CAV3: variants seen among roughly 807,000 people sequenced by gnomAD.
CAV3 encodes caveolin-3.
A neutral mutation model predicts 13.4 loss-of-function variants in CAV3; 10 were observed. The ratio of observed to expected loss-of-function variants is 0.75; its 90% CI spans 0.46 to 1.27. CAV3 has a LOEUF of 1.27. CAV3 is among the 50% of genes most tolerant of loss of function. The pLI, the probability that CAV3 is intolerant of heterozygous loss-of-function variation, is 0.00. For synonymous variants in CAV3, 90 were observed against 79.0 expected (o/e 1.14, Z -0.74); for missense variants, 162 against 194.0 (o/e 0.83, Z 0.98).
chr3:8,734,082 G>A, intron 1 of CAV3, 92 bp downstream of exon 1: 1 of 747,198 alleles, frequency 1.3e-6, no homozygotes, highest in Admixed American at 2.0e-5. Context: ...TGCAGACACA[G>A]TTTCCCTGAA....
At chr3:8,744,571 T>C (rs1024084945) in intron 1 of CAV3, among the ~76,000 whole-genome samples, 8 of 149,994 alleles carry the variant, frequency 5.3e-5, no homozygotes, top group African/African-American at 2.0e-4. Flanking sequence ...ATTGACTCCA[T>C]CTTACAGACA....
At chr3:8,740,041 A>T (rs1707904032) in intron 1 of CAV3, among the ~76,000 whole-genome samples, 1 of 152,086 alleles carries the variant, frequency 6.6e-6, no homozygotes, top group Non-Finnish European at 1.5e-5. Context: ...CTCTATCTCC[A>T]TGTAGTTTCA....
intron 1 of CAV3, among the ~76,000 whole-genome samples, chr3:8,743,426 CAAG>C (rs1708043437): frequency 2.0e-5 from 3 of 152,232 alleles, no homozygotes; most frequent in Admixed American, 6.5e-5. Flanking sequence ...GGAAGCCCTC[CAAG>C]AAGAAGTAAC....
chr3:8,737,768 C>G (rs1707809390), intron 1 of CAV3, among the ~76,000 whole-genome samples: 1 of 152,182 alleles, frequency 6.6e-6, no homozygotes, highest in East Asian at 1.9e-4. Flanking sequence ...CATGCAAACC[C>G]TCCAGGCTGC....
At chr3:8,734,599 C>A (rs1707686613) in intron 1 of CAV3, among the ~76,000 whole-genome samples, 1 of 152,216 alleles carries the variant, frequency 6.6e-6, no homozygotes, top group Admixed American at 6.5e-5. Context: ...GGTTGTCTAG[C>A]CCTCAGGGAG....
intron 1 of CAV3, among the ~76,000 whole-genome samples, chr3:8,741,111 C>T (rs1163884393): frequency 1.3e-5 from 2 of 151,610 alleles, no homozygotes; most frequent in Non-Finnish European, 2.9e-5. Context: ...ACAGTTTTTG[C>T]AGCTATCACC....
chr3:8,740,280 A>C (rs1289926862), intron 1 of CAV3, among the ~76,000 whole-genome samples: 1 of 152,162 alleles, frequency 6.6e-6, no homozygotes, highest in Non-Finnish European at 1.5e-5. Flanking sequence ...GGGCAAGCCC[A>C]GACTCAAGAT....
chr3:8,736,743 G>A (rs1411463959), intron 1 of CAV3, among the ~76,000 whole-genome samples: 2 of 152,220 alleles, frequency 1.3e-5, no homozygotes, highest in Non-Finnish European at 2.9e-5. Context: ...GAGGCCCTGA[G>A]CCCTAGCAAA....
intron 1 of CAV3, among the ~76,000 whole-genome samples, chr3:8,739,978 T>C (rs1198351456): frequency 6.6e-6 from 1 of 152,098 alleles, no homozygotes; most frequent in Non-Finnish European, 1.5e-5. Flanking sequence ...CCTGGAGGAC[T>C]GGCAGAGATG....
At position 8,746,153 on chromosome 3, in the gene CAV3, T is replaced by C; in HGVS notation, c.*286T>C. On this transcript the variant is annotated 3_prime_UTR_variant, in exon 2 of 2. Coordinates refer to ENST00000343849, the MANE Select transcript of CAV3 (RefSeq NM_033337.3). ...TACTGCAAGTCTTTGCGTTCACTTG[T>C]ACTGTAACAACATAAACCAGCACGC... 1 of 391,168 alleles carries C rather than the reference T, an allele frequency of 2.6e-6. No homozygotes were observed. Among genetic ancestry groups the C allele is most frequent in the Non-Finnish European group, 4.7e-6 (1 of 212,020 alleles). 24.2% of individuals were successfully genotyped at this position (391,168 alleles called of 1,614,324 possible).
In CAV3 at chr3:8,745,748, G is replaced by A. The variant is rs921802744; in HGVS notation, c.337G>A (p.Glu113Lys). ...GCCATGCATTAAGAGCTACCTGATC[G>A]AGATCCAGTGCATCAGCCACATCTA... ...VVPCIKSYLI[E>K]IQCISHIYSL... Residue 113 changes from glutamate (E) to lysine (K), a missense_variant, in exon 2 of 2, where the codon GAG becomes AAG. Transcript: ENST00000343849. This position sits in a 1 kb window ranked among gnomAD's most constrained non-coding sequence, Gnocchi z 4.8. 8 of 1,614,096 alleles carry A rather than the reference G, an allele frequency of 5.0e-6. No individual in the cohort carries two copies. The highest frequency in any genetic ancestry group is 2.2e-5 in the South Asian group (2 of 91,086).
At position 8,733,991 on chromosome 3, in the gene CAV3, G is replaced by T; in HGVS notation, c.114+1G>T. 6.3e-7 allele frequency: 1 copy of T among 1,581,532 alleles called. No homozygotes were observed. The highest frequency in any genetic ancestry group is 8.7e-7 in the Non-Finnish European group (1 of 1,150,854). The stretch of plus-strand genomic sequence containing the variant: ...GAACATTAACGAGGACATAGTCAAG[G>T]TAGGCTCTGCAGGCCTGCCTCGGCG... On this transcript the variant is annotated splice_donor_variant, in intron 1 of 1. Coordinates refer to ENST00000343849, the MANE Select transcript of CAV3 (RefSeq NM_033337.3). LOFTEE classifies it high-confidence loss of function.
intron 1 of CAV3, among the ~76,000 whole-genome samples, chr3:8,740,066 CA>C (rs985498334): frequency 6.6e-6 from 1 of 152,224 alleles, no homozygotes; most frequent in African/African-American, 2.4e-5. Context: ...TCCTTATTCA[CA>C]TGGCCTCTCC....
rs188732839 is a variant in CAV3, at chr3:8,743,090, G to A, written c.115-2436G>A. The stretch of plus-strand genomic sequence containing the variant: ...ACAACCAGGTCTCATGTGAACTAAC[G>A]AGCAAGAACTCACTCATGACCACAG... On this transcript the variant is annotated intron_variant, in intron 1 of 1. Transcript: ENST00000343849. Among the ~76,000 whole-genome samples the A allele has an allele frequency of 3.1e-4, 38 of 124,402 alleles. 1 individual carries two copies. The highest frequency in any genetic ancestry group is 2.1e-3 in the East Asian group (11 of 5,140). The allele number at this position is 124,402 out of a possible 152,430, so 81.6% of individuals were successfully genotyped here.
At chr3:8,737,630 C>T (rs1707803383) in intron 1 of CAV3, among the ~76,000 whole-genome samples, 1 of 152,170 alleles carries the variant, frequency 6.6e-6, no homozygotes, top group African/African-American at 2.4e-5. Context: ...GGGGGGAGCA[C>T]ACCCCCATTT....
intron 1 of CAV3, among the ~76,000 whole-genome samples, chr3:8,739,082 T>A (rs1169003747): frequency 6.6e-6 from 1 of 152,256 alleles, no homozygotes; most frequent in South Asian, 2.1e-4. Context: ...TGTCTTGCCC[T>A]CTGTCAATGA....
intron 1 of CAV3, among the ~76,000 whole-genome samples, chr3:8,739,144 G>T (rs550956011): frequency 6.6e-6 from 1 of 152,308 alleles, no homozygotes; most frequent in South Asian, 2.1e-4. Context: ...TTACAACTTA[G>T]TGTTATGAGG....
At chr3:8,734,239 CA>C (rs1418709942) in intron 1 of CAV3, among the ~76,000 whole-genome samples, 1 of 151,480 alleles carries the variant, frequency 6.6e-6, no homozygotes, top group African/African-American at 2.4e-5. Flanking sequence ...CTAATCAGGG[CA>C]GGAGGAGCGA....
intron 1 of CAV3, among the ~76,000 whole-genome samples, chr3:8,744,557 G>A (rs536885705): frequency 3.3e-5 from 5 of 149,354 alleles, no homozygotes; most frequent in South Asian, 4.2e-4. Flanking sequence ...ACTGGAAGAC[G>A]TTCATTGACT....
Sources: gnomAD v4.1 joint callset for allele counts (sites outside exome capture counted in the v4.1 genomes callset) on GRCh38, gnomAD v4.1.1 for gene constraint, Gnocchi (gnomAD v3.1) non-coding constraint, MANE v1.5 for transcripts, NCBI Gene and HGNC (gene_info 2026-07-23, HGNC 2026-07-21) for gene names.